Variants in HSDL2 observed in about 807,000 individuals in gnomAD.
HSDL2 encodes the protein hydroxysteroid dehydrogenase-like protein 2.
A neutral mutation model predicts 46.3 loss-of-function variants in HSDL2; 27 were observed. The ratio of observed to expected loss-of-function variants is 0.58; its 90% CI spans 0.43 to 0.80. The LOEUF is 0.80. Ranked by LOEUF, HSDL2 falls within the 30% of genes least tolerant of loss-of-function variation. The pLI is 0.00. For missense variants in HSDL2, 451 were observed against 502.7 expected (o/e 0.90, Z 0.98); for synonymous variants, 153 against 163.6 (o/e 0.94, Z 0.50).
At chr9:112,409,174 A>G (rs1831803843) in intron 4 of HSDL2, among the ~76,000 whole-genome samples, 153 bp downstream of exon 4, 1 of 152,022 alleles carries the variant, frequency 6.6e-6, no homozygotes, top group African/African-American at 2.4e-5. Flanking sequence ...AGTCAATAGT[A>G]TTTTATTTTA....
At chr9:112,410,977 A>G (rs953351160) in intron 4 of HSDL2, among the ~76,000 whole-genome samples, 2 of 152,156 alleles carry the variant, frequency 1.3e-5, no homozygotes, top group Non-Finnish European at 2.9e-5. Flanking sequence ...GATTTATACA[A>G]AAGTCCAGAT....
intron 1 of HSDL2, among the ~76,000 whole-genome samples, chr9:112,388,507 G>T (rs1831268263): frequency 1.3e-5 from 2 of 148,302 alleles, no homozygotes; most frequent in African/African-American, 5.0e-5. Context: ...GCTTACACCT[G>T]TAATCCTAGC....
rs375134876 is a variant in HSDL2 at position 112,408,951 on chromosome 9, A to G, written c.325A>G (p.Asn109Asp). Residue 109 changes from asparagine to aspartate, a missense_variant, in exon 4 of 11, where the codon AAT becomes GAT. Physicochemically the swap from Asn to Asp is conservative, Grantham distance 23 (BLOSUM62 1). Transcript: ENST00000398805. ...VNNASAISLTNTLDTPTKRLD... is the reference protein window; with the variant it reads ...VNNASAISLTDTLDTPTKRLD... Reference sequence around the variant, plus strand: ...TAATGCCAGTGCCATTAGTTTGACCAATACATTGGACACACCTACCAAGAG... The same window carrying G: ...TAATGCCAGTGCCATTAGTTTGACCGATACATTGGACACACCTACCAAGAG... The G allele has an allele frequency of 1.4e-5, 23 of 1,605,792 alleles. No individual in the cohort carries two copies. The highest frequency in any genetic ancestry group is 1.9e-5 in the Non-Finnish European group (22 of 1,174,214).
chr9:112,403,049 C>G (rs758502234), intron 1 of HSDL2, among the ~76,000 whole-genome samples: 16 of 152,138 alleles, frequency 1.1e-4, no homozygotes, highest in Non-Finnish European at 1.5e-4. Context: ...TCAGATCAAC[C>G]TGCAGCAATT....
At chr9:112,385,553 G>A (rs1373922987) in intron 1 of HSDL2, among the ~76,000 whole-genome samples, 2 of 147,010 alleles carry the variant, frequency 1.4e-5, no homozygotes, top group Admixed American at 6.9e-5. Context: ...GCAGTGGCGC[G>A]ATCTCAGCTC....
chr9:112,426,381 G>A (rs377293254), intron 6 of HSDL2, among the ~76,000 whole-genome samples: 20 of 151,990 alleles, frequency 1.3e-4, no homozygotes, highest in African/African-American at 4.6e-4. Flanking sequence ...GACTTCAGGC[G>A]CCTTTCACTA....
chr9:112,418,827 T>C (rs749360910), intron 5 of HSDL2, 33 bp from the exon 6 acceptor site: 2 of 1,216,012 alleles, frequency 1.6e-6, no homozygotes, highest in African/African-American at 1.6e-5. Flanking sequence ...ATTTCTTTTA[T>C]AATTAAATTA....
At position 112,418,314 on chromosome 9, in the gene HSDL2, G is replaced by A. The variant is rs1832040116; in HGVS notation, c.500-546G>A. On this transcript the variant is annotated intron_variant, in intron 5 of 10. Transcript: ENST00000398805. ...ATATATCAGGGAGGCTGGGTACGGT[G>A]GCTCGTACCTGTAATCCCAGCACTT... Among the ~76,000 whole-genome samples, 3 of 152,180 alleles carry A rather than the reference G, an allele frequency of 2.0e-5. No individual in the cohort carries two copies. In the South Asian group the frequency reaches 6.2e-4, roughly 32 times the overall value.
intron 1 of HSDL2, among the ~76,000 whole-genome samples, chr9:112,390,095 A>AATAC (rs1239853969): frequency 6.6e-6 from 1 of 150,970 alleles, no homozygotes. Flanking sequence ...TAAATAAATA[A>AATAC]ATAAAGTAAA....
At chr9:112,417,651 T>C (rs1185895104) in intron 5 of HSDL2, among the ~76,000 whole-genome samples, 2 of 152,132 alleles carry the variant, frequency 1.3e-5, no homozygotes, top group Non-Finnish European at 2.9e-5. Flanking sequence ...GAAAGGCACT[T>C]GGAATGGGAA....
intron 6 of HSDL2, among the ~76,000 whole-genome samples, chr9:112,430,393 T>C (rs898718132): frequency 3.3e-5 from 5 of 152,100 alleles, no homozygotes; most frequent in African/African-American, 9.7e-5. Context: ...AATGAGACGA[T>C]GTCCATAAGG....
In HSDL2 at chr9:112,438,612, T is replaced by C; in HGVS notation, c.780T>C (p.Tyr260=). The change falls in exon 7 of 11, where the codon TAT becomes TAC. Residue 260 remains tyrosine, a synonymous_variant. Coordinates refer to ENST00000398805, the MANE Select transcript of HSDL2 (RefSeq NM_032303.5). The stretch of plus-strand genomic sequence containing the variant: ...AAGGAATAGAAAATTTTGACGTTTA[T>C]GCAATTAAACCAGGTAATGCTTTTA... ...KEEGIENFDV[Y]AIKPGHPLQP... The C allele has an allele frequency of 6.3e-7, 1 of 1,578,908 alleles. No individual in the cohort carries two copies. The highest frequency in any genetic ancestry group is 8.7e-7 in the Non-Finnish European group (1 of 1,155,134).
At chr9:112,449,887 A>G (rs1158078176) in intron 8 of HSDL2, among the ~76,000 whole-genome samples, 1 of 151,338 alleles carries the variant, frequency 6.6e-6, no homozygotes, top group Non-Finnish European at 1.5e-5. Flanking sequence ...GCATCTTCCC[A>G]GAATTGTGCA....
At chr9:112,431,301 A>G (rs1190539637) in intron 6 of HSDL2, among the ~76,000 whole-genome samples, 1 of 152,162 alleles carries the variant, frequency 6.6e-6, no homozygotes, top group African/African-American at 2.4e-5. Flanking sequence ...TTATCAGCAT[A>G]TAGAACATAT....
chr9:112,383,755 G>A (rs1831157653), intron 1 of HSDL2, among the ~76,000 whole-genome samples: 1 of 152,204 alleles, frequency 6.6e-6, no homozygotes, highest in Non-Finnish European at 1.5e-5. Flanking sequence ...AGGCTGGGGT[G>A]CATTGGCACC....
intron 1 of HSDL2, among the ~76,000 whole-genome samples, chr9:112,389,223 C>T (rs188083578): frequency 1.3e-5 from 2 of 152,148 alleles, no homozygotes; most frequent in Non-Finnish European, 1.5e-5. Flanking sequence ...CAGGGTCTCA[C>T]TATGTTGCCC....
chr9:112,416,960 TAGGGTG>T lies in HSDL2; in HGVS notation c.499+21_499+26del. The T allele has an allele frequency of 8.2e-7, 1 of 1,222,800 alleles. No individual in the cohort carries two copies. Among genetic ancestry groups the T allele is most frequent in the Admixed American group, 1.8e-5 (1 of 57,092 alleles). 75.7% of individuals were successfully genotyped at this position (1,222,800 alleles called of 1,614,324 possible). A position where few individuals can be genotyped will look rare whatever the true frequency, so the allele number is the denominator to read the frequency against. On this transcript the variant is annotated intron_variant, in intron 5 of 10. Coordinates refer to ENST00000398805, the MANE Select transcript of HSDL2 (RefSeq NM_032303.5). The stretch of plus-strand genomic sequence containing the variant: ...CAGCACTGTGGTAGGTGGTAGGTGG[TAGGGTG>T]AGGGGATGGTTTGTGCTTAATTTGT...
In HSDL2 at chr9:112,382,281, A is replaced by G. The variant is rs114045574; in HGVS notation, c.17+2101A>G. Reference sequence around the variant, plus strand: ...GTCTGTCTCAAAAAGAAAAAAGAGGAAATGCACTTTATATTTTGACAGATA... The same window carrying G: ...GTCTGTCTCAAAAAGAAAAAAGAGGGAATGCACTTTATATTTTGACAGATA... On this transcript the variant is annotated intron_variant, in intron 1 of 10. Transcript: ENST00000398805. 3.9e-3 allele frequency among the ~76,000 whole-genome samples: 600 copies of G among 152,274 alleles called. 3 individuals are homozygous for G. Among genetic ancestry groups the G allele is most frequent in the African/African-American group, 0.014 (578 of 41,540 alleles).
At chr9:112,468,067 T>C (rs895730640) in intron 10 of HSDL2, among the ~76,000 whole-genome samples, 2 of 152,170 alleles carry the variant, frequency 1.3e-5, no homozygotes, top group Non-Finnish European at 2.9e-5. Flanking sequence ...TGGGTAGAGA[T>C]TTCCAGGTTG....
Sources: gnomAD v4.1 joint callset for allele counts (sites outside exome capture counted in the v4.1 genomes callset) on GRCh38, gnomAD v4.1.1 for gene constraint, MANE v1.5 for transcripts, NCBI Gene and HGNC (gene_info 2026-07-23, HGNC 2026-07-21) for gene names.